MANSC1: variants seen among roughly 807,000 people sequenced by gnomAD.
MANSC1 encodes the protein MANSC domain-containing protein 1.
A neutral mutation model predicts 14.1 loss-of-function variants in MANSC1; 13 were observed. That is an observed-to-expected ratio of 0.92 (90% CI 0.60 to 1.46). The LOEUF is 1.46. Ranked by LOEUF, MANSC1 falls within the 40% of genes most tolerant of loss-of-function variation. The pLI is 0.00. For synonymous variants in MANSC1, 227 were observed against 200.7 expected, an observed-to-expected ratio of 1.13 and a Z score of -1.11; for missense variants, 486 against 511.4, an observed-to-expected ratio of 0.95 and a Z score of 0.48.
chr12:12,334,492 A>G (rs1470200978), intron 3 of MANSC1, among the ~76,000 whole-genome samples: 1 of 152,196 alleles, frequency 6.6e-6, no homozygotes, highest in Admixed American at 6.5e-5. Flanking sequence ...CTGTAGATAT[A>G]AACAGTCCTT....
At chr12:12,348,947 A>G (rs1207185862) in intron 1 of MANSC1, among the ~76,000 whole-genome samples, 1 of 152,218 alleles carries the variant, frequency 6.6e-6, no homozygotes, top group Non-Finnish European at 1.5e-5. Flanking sequence ...GTGGGACATA[A>G]TATGTGCTTC....
intron 3 of MANSC1, among the ~76,000 whole-genome samples, chr12:12,332,416 C>A (rs549297830): frequency 6.6e-6 from 1 of 152,210 alleles, no homozygotes; most frequent in African/African-American, 2.4e-5. Context: ...GTCACTTATT[C>A]GTCCATCTAG....
At chr12:12,337,581 C>T (rs956882727) in intron 3 of MANSC1, among the ~76,000 whole-genome samples, 3 of 152,020 alleles carry the variant, frequency 2.0e-5, no homozygotes, top group Non-Finnish European at 4.4e-5. Flanking sequence ...AACAAACAAG[C>T]AACAACAACA....
Position 12,328,408 on chromosome 12 carries a change from C to T in MANSC1, c.*1619G>A, listed in dbSNP as rs188261070. On this transcript the variant is annotated 3_prime_UTR_variant, in exon 4 of 4. Coordinates refer to ENST00000535902, the MANE Select transcript of MANSC1 (RefSeq NM_018050.4). Reference sequence around the variant, plus strand: ...AGTAGCTGGAACTACAGGCGCCCGCCACCACGCCCGGCTAATTTTTTGTAT... The same window carrying T: ...AGTAGCTGGAACTACAGGCGCCCGCTACCACGCCCGGCTAATTTTTTGTAT... 1 of 152,102 alleles carries T rather than the reference C, an allele frequency of 6.6e-6. No homozygotes were observed. The highest frequency in any genetic ancestry group is 6.5e-5 in the Admixed American group (1 of 15,274). The allele number at this position is 152,102 out of a possible 1,614,324, so 9.4% of individuals were successfully genotyped here.
In MANSC1 at chr12:12,330,709, T is replaced by C; in HGVS notation, c.614A>G (p.Gln205Arg). The stretch of plus-strand genomic sequence containing the variant: ...TTGATCAGAGGAAAATTGTGAACTC[T>C]GAGAATGGCCTTTTTCCTTATAAGC... ...LLAYKEKGHS[Q>R]SSQFSSDQEI... Residue 205 changes from glutamine to arginine, a missense_variant, in exon 4 of 4, where the codon CAG (glutamine) becomes CGG (arginine). Transcript: ENST00000535902. 2 of 1,614,236 alleles carry C rather than the reference T, an allele frequency of 1.2e-6. No homozygotes were observed. The highest frequency in any genetic ancestry group is 1.7e-6 in the Non-Finnish European group (2 of 1,180,034).
At chr12:12,337,274 C>CGGAAAAA (rs1346816450) in intron 3 of MANSC1, among the ~76,000 whole-genome samples, 1 of 150,320 alleles carries the variant, frequency 6.7e-6, no homozygotes, top group African/African-American at 2.5e-5. Flanking sequence ...GAGACTCTCT[C>CGGAAAAA]TCAAAAAACA....
intron 2 of MANSC1, among the ~76,000 whole-genome samples, chr12:12,342,576 GTTTTTTTGTTT>G (rs1483787135): frequency 3.0e-4 from 31 of 103,994 alleles, no homozygotes; most frequent in South Asian, 6.3e-4. Context: ...AGTAGTCAGT[GTTTTTTTGTTT>G]TTTTTTTTTT....
intron 2 of MANSC1, among the ~76,000 whole-genome samples, chr12:12,341,677 G>A (rs1200900345): frequency 1.3e-5 from 2 of 152,214 alleles, no homozygotes; most frequent in Admixed American, 1.3e-4. Context: ...CCAGGCTGGA[G>A]TGCAGTGGTT....
chr12:12,349,136 C>A (rs1005190248), intron 1 of MANSC1, among the ~76,000 whole-genome samples: 13 of 152,304 alleles, frequency 8.5e-5, no homozygotes, highest in Admixed American at 7.8e-4. Context: ...TGCCTACATT[C>A]CATTTCAGAA....
At chr12:12,344,521 G>A (rs557800169) in intron 1 of MANSC1, among the ~76,000 whole-genome samples, 48 of 150,734 alleles carry the variant, frequency 3.2e-4, no homozygotes, top group Non-Finnish European at 6.5e-4. Flanking sequence ...CCAGGCTGGA[G>A]TGCAGTGGCA....
chr12:12,340,858 G>A (rs1862923821), intron 2 of MANSC1, among the ~76,000 whole-genome samples: 1 of 152,122 alleles, frequency 6.6e-6, no homozygotes, highest in South Asian at 2.1e-4. Flanking sequence ...AGAAAAACTA[G>A]AAATTTAAAT....
chr12:12,331,025 C>T (rs1380505802), intron 3 of MANSC1, 67 bp from the exon 4 acceptor site: 2 of 1,000,916 alleles, frequency 2.0e-6, no homozygotes, highest in Admixed American at 2.3e-5. Context: ...TAAAAAAATA[C>T]AAACATATCA....
chr12:12,338,636 C>T, intron 2 of MANSC1, 76 bp from the exon 3 acceptor site: 1 of 1,390,140 alleles, frequency 7.2e-7, no homozygotes, highest in South Asian at 1.2e-5. Flanking sequence ...AAAAACTTCA[C>T]TTATTATGGA....
intron 2 of MANSC1, among the ~76,000 whole-genome samples, chr12:12,339,703 T>G (rs1440083022): frequency 1.3e-5 from 2 of 152,220 alleles, no homozygotes; most frequent in African/African-American, 4.8e-5. Flanking sequence ...TTAATTTTTA[T>G]CTGTACCATT....
intron 3 of MANSC1, among the ~76,000 whole-genome samples, chr12:12,336,118 A>G (rs1862856318): frequency 6.6e-6 from 1 of 152,300 alleles, no homozygotes. Flanking sequence ...ACCCTGGGCA[A>G]CAGAGTGAGA....
intron 1 of MANSC1, among the ~76,000 whole-genome samples, chr12:12,347,867 T>A (rs969847905): frequency 6.6e-6 from 1 of 152,010 alleles, no homozygotes; most frequent in African/African-American, 2.4e-5. Context: ...GAGATCAGCC[T>A]GACCAACATG....
rs1209421185 is a variant in MANSC1 at position 12,330,227 on chromosome 12, T to A, written c.1096A>T (p.Ser366Cys). 2 of 1,614,076 alleles carry A rather than the reference T, an allele frequency of 1.2e-6. No homozygotes were observed. The highest frequency in any genetic ancestry group is 2.2e-5 in the East Asian group (1 of 44,892). ...TCTGGAACACTGCCCTGGGAGGAAC[T>A]GCCTGGACTGGCCTCCCTACCTTCC... is the stretch of plus-strand genomic sequence containing the variant. ...SWEGREASPG[S>C]SSQGSVPENQ... Residue 366 changes from serine (S) to cysteine (C), a missense_variant, in exon 4 of 4, where the codon AGT (serine) becomes TGT (cysteine). Ser to Cys is a moderately radical substitution (Grantham distance 112). Coordinates refer to ENST00000535902, the MANE Select transcript of MANSC1 (RefSeq NM_018050.4).
intron 1 of MANSC1, among the ~76,000 whole-genome samples, chr12:12,344,915 CCATATATATATATATATATATATATATA>C (rs1862986548): frequency 3.3e-5 from 1 of 30,056 alleles, no homozygotes; most frequent in Non-Finnish European, 6.3e-5. Context: ...TAATAAACTC[CCATATATATATATATATATATATATATA>C]TATATATATA....
In MANSC1 at chr12:12,330,444, T is replaced by A. The variant is rs151232771; in HGVS notation, c.879A>T (p.Thr293=). 4 of 1,614,040 alleles carry A rather than the reference T, an allele frequency of 2.5e-6. No homozygotes were observed. Among genetic ancestry groups the A allele is most frequent in the Non-Finnish European group, 3.4e-6 (4 of 1,179,984 alleles). ...ISTVFTRAAA[T]LQAMATTAVL... is the part of the protein sequence containing the mutation. Reference sequence around the variant, plus strand: ...CTGCTGTTGTAGCCATTGCTTGGAGTGTAGCCGCAGCCCGTGTAAAAACTG... The same window carrying A: ...CTGCTGTTGTAGCCATTGCTTGGAGAGTAGCCGCAGCCCGTGTAAAAACTG... The change falls in exon 4 of 4, where the codon ACA becomes ACT. Residue 293 remains threonine (T), a synonymous_variant. Coordinates refer to ENST00000535902, the MANE Select transcript of MANSC1 (RefSeq NM_018050.4).
Sources: allele counts gnomAD v4.1 joint callset (sites outside exome capture counted in the v4.1 genomes callset), GRCh38; gene constraint gnomAD v4.1.1; transcripts MANE v1.5; gene names NCBI Gene and HGNC (gene_info 2026-07-23, HGNC 2026-07-21).